Variants in PREX1 observed in about 807,000 individuals in gnomAD.
PREX1 encodes phosphatidylinositol-3,4,5-trisphosphate dependent Rac exchange factor 1.
In PREX1, 41 loss-of-function variants were observed where a neutral mutation model predicts 198.3. That is an observed-to-expected ratio of 0.21 (90% CI 0.16 to 0.27). PREX1 has a LOEUF of 0.27. Among genes scored for constraint, PREX1 ranks in the 10% least tolerant of loss-of-function variants. The pLI, the probability that PREX1 is intolerant of heterozygous loss-of-function variation, is 1.00. For missense variants in PREX1, 1,620 were observed against 2,200.7 expected (o/e 0.74, Z 5.28); for synonymous variants, 843 against 887.2 (o/e 0.95, Z 0.89).
At chr20:48,734,900 C>A (rs577182410) in intron 3 of PREX1, among the ~76,000 whole-genome samples, 1 of 152,314 alleles carries the variant, frequency 6.6e-6, no homozygotes, top group East Asian at 1.9e-4. Context: ...GGGTCAAGAG[C>A]ATAGACTCAA....
chr20:48,629,614 C>T lies in PREX1; in HGVS notation c.4601G>A (p.Arg1534His), dbSNP rs2089298252. ...TTAVKIDQLI[R>H]PINALDELCR... ...GAGCTCATCCAGGGCATTGATGGGG[C>T]GGATCAGCTGTAGGGGGTACCACAC... The change falls in exon 37 of 40, where the codon CGC becomes CAC. Residue 1534 changes from arginine to histidine, a missense_variant. By Grantham distance (29) the Arg-to-His change is conservative. This residue lies in a region of PREX1 where 476 missense variants were observed against 603.4 expected (regional missense o/e 0.79). Transcript: ENST00000371941. The T allele has an allele frequency of 1.9e-6, 3 of 1,613,992 alleles. No homozygotes were observed. The highest frequency in any genetic ancestry group is 1.7e-6 in the Non-Finnish European group (2 of 1,179,924).
At chr20:48,872,851 G>A in the PREX1 span, among the ~76,000 whole-genome samples, 7 of 152,212 alleles carry the variant, frequency 4.6e-5, no homozygotes, top group African/African-American at 1.7e-4. Context: ...ATTTCCGGAG[G>A]CTCCTGAGTC....
chr20:48,669,043 C>G (rs2089658256), intron 14 of PREX1, among the ~76,000 whole-genome samples: 1 of 152,116 alleles, frequency 6.6e-6, no homozygotes, highest in South Asian at 2.1e-4. Flanking sequence ...AGCCCTGCCA[C>G]CTCCCTGCAG....
rs369126924 is a variant in PREX1, at chr20:48,816,215, A to T, written c.219+11427T>A. On this transcript the variant is annotated intron_variant, in intron 1 of 39. Transcript: ENST00000371941. ...CTCAGGGTTCACTCTGGGCAGGGCC[A>T]GAGAGGGAGTAAATAAAGTAAAGCA... is the stretch of plus-strand genomic sequence containing the variant. Among the ~76,000 whole-genome samples the T allele has an allele frequency of 2.7e-3, 412 of 152,246 alleles. 1 individual carries two copies. In the South Asian group the frequency reaches 0.033, roughly 12 times the overall value.
chr20:48,655,604 C>A (rs991292309), intron 18 of PREX1, among the ~76,000 whole-genome samples: 1 of 152,224 alleles, frequency 6.6e-6, no homozygotes. Flanking sequence ...CACTGGCCTG[C>A]CCTTGGAGCT....
intron 15 of PREX1, among the ~76,000 whole-genome samples, chr20:48,661,206 G>A (rs1314915214): frequency 3.3e-5 from 5 of 151,596 alleles, no homozygotes; most frequent in Non-Finnish European, 7.4e-5. Flanking sequence ...ATTACCCAAG[G>A]TGGGGAGTCC....
chr20:48,643,423 C>T (rs1009972412), intron 27 of PREX1, among the ~76,000 whole-genome samples: 2 of 151,626 alleles, frequency 1.3e-5, no homozygotes, highest in Admixed American at 6.6e-5. Flanking sequence ...GAGCTGAGAT[C>T]GTGCCACTGC....
intron 1 of PREX1, among the ~76,000 whole-genome samples, chr20:48,811,631 CACACACACACACGT>C (rs2090436476): frequency 9.4e-6 from 1 of 106,088 alleles, no homozygotes; most frequent in Admixed American, 8.7e-5. Flanking sequence ...CACCCCCCCA[CACACACACACACGT>C]ACGTGTGCAT....
chr20:48,677,220 T>C (rs1235853921), intron 13 of PREX1, among the ~76,000 whole-genome samples: 1 of 152,138 alleles, frequency 6.6e-6, no homozygotes, highest in African/African-American at 2.4e-5. Flanking sequence ...ACCTGCCTTC[T>C]GGGGCTTGCA....
At chr20:48,733,235 A>C (rs936877336) in intron 4 of PREX1, among the ~76,000 whole-genome samples, 8 of 152,202 alleles carry the variant, frequency 5.3e-5, no homozygotes, top group African/African-American at 1.9e-4. Context: ...ATGCAAATAT[A>C]CCCAGAAATG....
At chr20:48,798,433 C>T (rs1051541675) in intron 1 of PREX1, among the ~76,000 whole-genome samples, 5 of 152,174 alleles carry the variant, frequency 3.3e-5, no homozygotes, top group Non-Finnish European at 7.3e-5. Flanking sequence ...TGCTTAAAGC[C>T]CTCCCCGGCA....
the PREX1 span, among the ~76,000 whole-genome samples, chr20:48,879,591 AT>A: frequency 1.3e-5 from 2 of 152,194 alleles, no homozygotes; most frequent in African/African-American, 2.4e-5. Flanking sequence ...CATGCTACAT[AT>A]TTTTAATATC....
At chr20:48,883,661 ATACT>A in the PREX1 span, among the ~76,000 whole-genome samples, 3 of 152,158 alleles carry the variant, frequency 2.0e-5, no homozygotes, top group Admixed American at 2.0e-4. Context: ...AAAGGATAAA[ATACT>A]TAGGAATAAA....
chr20:48,725,827 C>T lies in PREX1; in HGVS notation c.621+463G>A, dbSNP rs564694895. Among the ~76,000 whole-genome samples the T allele has an allele frequency of 8.5e-5, 13 of 152,340 alleles. No homozygotes were observed. In the South Asian group the frequency reaches 2.7e-3, roughly 32 times the overall value. Reference sequence around the variant, plus strand: ...GACCATGTCTCAGCTAATCAGAGCACAGCAATAGTGATTGGTTCAGGGGTA... The same window carrying T: ...GACCATGTCTCAGCTAATCAGAGCATAGCAATAGTGATTGGTTCAGGGGTA... On this transcript the variant is annotated intron_variant, in intron 5 of 39. Coordinates refer to ENST00000371941, the MANE Select transcript of PREX1 (RefSeq NM_020820.4).
rs774189548 is a variant in PREX1, at chr20:48,650,906, G to A, written c.2805C>T (p.Ala935=). 1 of 1,614,182 alleles carries A rather than the reference G, an allele frequency of 6.2e-7. No homozygotes were observed. Among genetic ancestry groups the A allele is most frequent in the Non-Finnish European group, 8.5e-7 (1 of 1,180,038 alleles). Residue 935 remains alanine (A), a synonymous_variant, in exon 23 of 40, where the codon GCC becomes GCT. Transcript: ENST00000371941. ...TKLESIGQRI[A]CYQEFAAQLK... is the part of the protein sequence containing the mutation. ...AGCACGCAGGCACCTCCTGGTAGCA[G>A]GCAATCCTCTGGCCAATGCTCTCCA...
At chr20:48,628,041 A>G in intron 37 of PREX1, 78 bp from the exon 38 acceptor site, 1 of 954,030 alleles carries the variant, frequency 1.0e-6, no homozygotes, top group Non-Finnish European at 1.6e-6. Context: ...GTCAGAGGAC[A>G]GTGGGTGAGA....
chr20:48,807,310 T>A (rs2090416133), intron 1 of PREX1, among the ~76,000 whole-genome samples: 1 of 152,220 alleles, frequency 6.6e-6, no homozygotes, highest in Non-Finnish European at 1.5e-5. Flanking sequence ...TTTTGTGTTT[T>A]TTTTTCTCTA....
At chr20:48,642,288 GGGCCCCGT>G (rs1340820876) in intron 28 of PREX1, 30 bp from the exon 29 acceptor site, 2 of 1,611,092 alleles carry the variant, frequency 1.2e-6, no homozygotes, top group Non-Finnish European at 1.7e-6. Flanking sequence ...GGGTTGGTTT[GGGCCCCGT>G]GGCCCTACAC....
At chr20:48,738,987 G>C (rs2090069406) in intron 3 of PREX1, among the ~76,000 whole-genome samples, 1 of 152,120 alleles carries the variant, frequency 6.6e-6, no homozygotes, top group Non-Finnish European at 1.5e-5. Flanking sequence ...GGGGAGAGGG[G>C]GGTTAAAACA....
Sources: allele counts gnomAD v4.1 joint callset (sites outside exome capture counted in the v4.1 genomes callset), GRCh38; gene constraint gnomAD v4.1.1; regional missense constraint gnomAD v4.1.1; transcripts MANE v1.5; gene names NCBI Gene and HGNC (gene_info 2026-07-23, HGNC 2026-07-21).